Variants in TTLL11 observed in about 807,000 individuals in gnomAD.
TTLL11 encodes tubulin polyglutamylase TTLL11.
Under a neutral mutation model 51.7 loss-of-function variants are expected in TTLL11, and 42 were observed. That is an observed-to-expected ratio of 0.81 (90% CI 0.64 to 1.05). The LOEUF is 1.05. TTLL11 is among the 50% of genes least tolerant of loss of function. TTLL11 has a pLI of 0.00. For synonymous variants in TTLL11, 381 were observed against 383.5 expected (o/e 0.99, Z 0.08); for missense variants, 799 against 940.4 (o/e 0.85, Z 1.97).
intron 4 of TTLL11, among the ~76,000 whole-genome samples, chr9:121,980,502 G>A (rs1368018516): frequency 1.3e-5 from 2 of 152,206 alleles, no homozygotes; most frequent in African/African-American, 4.8e-5. Context: ...CAGCTCTGCA[G>A]TTGAACCAGC....
At chr9:121,937,545 T>TG (rs1215542500) in intron 6 of TTLL11, among the ~76,000 whole-genome samples, 1 of 152,152 alleles carries the variant, frequency 6.6e-6, no homozygotes, top group Non-Finnish European at 1.5e-5. Context: ...CATGAGTTCT[T>TG]GGAGTCTAGA....
At chr9:121,976,993 C>T (rs1028996890) in intron 4 of TTLL11, among the ~76,000 whole-genome samples, 1 of 152,120 alleles carries the variant, frequency 6.6e-6, no homozygotes, top group Non-Finnish European at 1.5e-5. Flanking sequence ...GTGGTGATGA[C>T]GTTTATCATC....
chr9:121,829,343 C>T (rs950597957), intron 8 of TTLL11, among the ~76,000 whole-genome samples: 4 of 152,100 alleles, frequency 2.6e-5, no homozygotes, highest in African/African-American at 4.8e-5. Context: ...TCACATATAT[C>T]GGCAAATAAA....
chr9:121,994,795 C>T (rs955407796), intron 3 of TTLL11, among the ~76,000 whole-genome samples: 2 of 152,220 alleles, frequency 1.3e-5, no homozygotes, highest in Non-Finnish European at 2.9e-5. Flanking sequence ...ATGCCTCAGG[C>T]TGTCACATAG....
At chr9:122,056,912 C>G (rs1422197143) in intron 1 of TTLL11, among the ~76,000 whole-genome samples, 1 of 152,156 alleles carries the variant, frequency 6.6e-6, no homozygotes, top group African/African-American at 2.4e-5. Context: ...TCAGAGGTAT[C>G]CCACAGGAAC....
intron 6 of TTLL11, among the ~76,000 whole-genome samples, chr9:121,919,160 C>T (rs10985449): frequency 1.3e-5 from 2 of 151,994 alleles, no homozygotes; most frequent in African/African-American, 4.8e-5. Flanking sequence ...AGAAGCTAGG[C>T]TAAATGATGG....
chr9:121,884,802 G>A (rs1434330490), intron 6 of TTLL11: 1 of 152,204 alleles, frequency 6.6e-6, no homozygotes, highest in Non-Finnish European at 1.5e-5. Flanking sequence ...CTCAGCATTT[G>A]GGAGACTGGG....
intron 7 of TTLL11, among the ~76,000 whole-genome samples, chr9:121,864,567 G>A (rs188013124): frequency 2.0e-5 from 3 of 152,254 alleles, no homozygotes; most frequent in Non-Finnish European, 2.9e-5. Context: ...AGGAAATTTC[G>A]ATTTGCACAG....
chr9:121,945,662 T>C (rs1841635462), intron 6 of TTLL11, among the ~76,000 whole-genome samples: 1 of 152,234 alleles, frequency 6.6e-6, no homozygotes, highest in Non-Finnish European at 1.5e-5. Flanking sequence ...TATACCGAAC[T>C]ACTTACAATT....
intron 6 of TTLL11, among the ~76,000 whole-genome samples, chr9:121,927,161 C>T (rs904464018): frequency 2.0e-5 from 3 of 152,106 alleles, no homozygotes; most frequent in Admixed American, 6.5e-5. Context: ...TATAGCATAG[C>T]GTTGCTTCAT....
At chr9:122,056,085 G>A (rs1227002192) in intron 1 of TTLL11, among the ~76,000 whole-genome samples, 3 of 152,080 alleles carry the variant, frequency 2.0e-5, no homozygotes, top group African/African-American at 4.8e-5. Flanking sequence ...TCCAGCAATC[G>A]ACAATGACTT....
intron 1 of TTLL11, among the ~76,000 whole-genome samples, chr9:122,087,824 G>A (rs1296656702): frequency 6.6e-6 from 1 of 152,180 alleles, no homozygotes; most frequent in African/African-American, 2.4e-5. Flanking sequence ...GAGCATCTGC[G>A]GTGAACCAGA....
chr9:121,915,886 A>G (rs1352020724), intron 6 of TTLL11, among the ~76,000 whole-genome samples: 12 of 151,968 alleles, frequency 7.9e-5, no homozygotes. Flanking sequence ...AAAATTTGGC[A>G]GTAGCTATCA....
chr9:121,935,602 C>T (rs565339577), intron 6 of TTLL11, among the ~76,000 whole-genome samples: 1 of 152,272 alleles, frequency 6.6e-6, no homozygotes, highest in South Asian at 2.1e-4. Flanking sequence ...ATCACTTTGG[C>T]TGCTGTAAGG....
chr9:121,920,392 C>T (rs1362367114), intron 6 of TTLL11, among the ~76,000 whole-genome samples: 2 of 152,148 alleles, frequency 1.3e-5, no homozygotes, highest in Non-Finnish European at 2.9e-5. Context: ...GCAGCTGGAA[C>T]AATGGTATCA....
chr9:121,921,141 G>A (rs1195959629), intron 6 of TTLL11, among the ~76,000 whole-genome samples: 1 of 152,192 alleles, frequency 6.6e-6, no homozygotes, highest in Non-Finnish European at 1.5e-5. Context: ...AGACACCAGT[G>A]GAAAACCCTC....
At chr9:121,940,112 T>A (rs1232401257) in intron 6 of TTLL11, among the ~76,000 whole-genome samples, 1 of 152,166 alleles carries the variant, frequency 6.6e-6, no homozygotes, top group Non-Finnish European at 1.5e-5. Flanking sequence ...ATTTCAACAA[T>A]GGCACAGGTC....
rs1194731447 is a variant in TTLL11 at position 121,826,197 on chromosome 9, T to C, written c.1841-3318A>G. ...ATAACCAGTAACCTATATATATATA[T>C]ATATATATATATATATATATGCACA... On this transcript the variant is annotated intron_variant, in intron 8 of 8. Coordinates refer to ENST00000321582, the MANE Select transcript of TTLL11 (RefSeq NM_001139442.2). Among the ~76,000 whole-genome samples, 4 of 107,990 alleles carry C rather than the reference T, an allele frequency of 3.7e-5. 1 individual carries two copies. Among genetic ancestry groups the C allele is most frequent in the African/African-American group, 8.4e-5 (2 of 23,782 alleles). The allele number at this position is 107,990 out of a possible 152,430, so 70.8% of individuals were successfully genotyped here.
chr9:122,047,181 T>G (rs1845031528), intron 1 of TTLL11, among the ~76,000 whole-genome samples: 1 of 152,186 alleles, frequency 6.6e-6, no homozygotes, highest in Non-Finnish European at 1.5e-5. Context: ...AGCATATGCC[T>G]GTTGTCCTGG....
Sources: allele counts gnomAD v4.1 joint callset (sites outside exome capture counted in the v4.1 genomes callset), GRCh38; gene constraint gnomAD v4.1.1; transcripts MANE v1.5; gene names NCBI Gene and HGNC (gene_info 2026-07-23, HGNC 2026-07-21).